Variants in SCFD1 observed in about 807,000 individuals in gnomAD.
SCFD1 encodes the protein sec1 family domain-containing protein 1.
In SCFD1, 37 loss-of-function variants were observed where a neutral mutation model predicts 103.2. The ratio of observed to expected loss-of-function variants is 0.36; its 90% CI spans 0.28 to 0.47. SCFD1 has a LOEUF of 0.47. Among genes scored for constraint, SCFD1 ranks in the 20% least tolerant of loss-of-function variants. The pLI is 1.00. For missense variants in SCFD1, 639 were observed against 761.2 expected (o/e 0.84, Z 1.89); for synonymous variants, 264 against 245.0 (o/e 1.08, Z -0.73).
intron 15 of SCFD1, among the ~76,000 whole-genome samples, chr14:30,695,953 A>G (rs1319234082): frequency 6.6e-6 from 1 of 152,218 alleles, no homozygotes; most frequent in Non-Finnish European, 1.5e-5. Context: ...TTTTAATTAT[A>G]AAGATTGTGG....
intron 17 of SCFD1, among the ~76,000 whole-genome samples, chr14:30,703,671 A>G (rs2139346863): frequency 1.3e-5 from 2 of 151,300 alleles, no homozygotes; most frequent in Admixed American, 1.3e-4. Flanking sequence ...AACAGTAGTT[A>G]TCTCTTGAGT....
At chr14:30,716,064 T>A in intron 20 of SCFD1, 87 bp downstream of exon 20, 1 of 786,144 alleles carries the variant, frequency 1.3e-6, no homozygotes, top group South Asian at 1.6e-5. Context: ...ATTGAGTTCC[T>A]TGTGAGCTTA....
intron 10 of SCFD1, among the ~76,000 whole-genome samples, chr14:30,661,399 A>G (rs897377963): frequency 2.0e-5 from 3 of 152,178 alleles, no homozygotes; most frequent in Non-Finnish European, 4.4e-5. Flanking sequence ...TTGTTTCTTC[A>G]GCCACTCAGG....
chr14:30,710,720 A>G (rs371843448), intron 19 of SCFD1, among the ~76,000 whole-genome samples: 3 of 152,172 alleles, frequency 2.0e-5, no homozygotes, highest in South Asian at 4.1e-4. Context: ...TTAAAGCTCT[A>G]TTACCCTTAT....
intron 7 of SCFD1, among the ~76,000 whole-genome samples, chr14:30,649,046 A>G (rs1480082226): frequency 3.3e-5 from 5 of 151,606 alleles, no homozygotes; most frequent in Admixed American, 3.3e-4. Context: ...AATCCTTTGG[A>G]AAAAATGCAG....
chr14:30,680,012 A>G (rs905297632), intron 14 of SCFD1, among the ~76,000 whole-genome samples: 3 of 152,070 alleles, frequency 2.0e-5, no homozygotes, highest in South Asian at 2.1e-4. Flanking sequence ...TTTGTTTTTT[A>G]TTGCAAGTAT....
At chr14:30,680,725 C>A (rs1370368268) in intron 14 of SCFD1, among the ~76,000 whole-genome samples, 1 of 152,032 alleles carries the variant, frequency 6.6e-6, no homozygotes, top group Non-Finnish European at 1.5e-5. Flanking sequence ...CCTGGGAGTT[C>A]AAGTCCAGTT....
At chr14:30,625,720 T>C (rs200669061) in intron 1 of SCFD1, among the ~76,000 whole-genome samples, 1 of 48,528 alleles carries the variant, frequency 2.1e-5, no homozygotes, top group African/African-American at 3.3e-4. Flanking sequence ...GGTATATAGG[T>C]ATATAGGTAT....
chr14:30,678,733 C>A (rs974768145), intron 14 of SCFD1, among the ~76,000 whole-genome samples: 1 of 152,184 alleles, frequency 6.6e-6, no homozygotes, highest in Admixed American at 6.5e-5. Flanking sequence ...GTTCTTTCCC[C>A]CAGTGTTCCC....
intron 9 of SCFD1, among the ~76,000 whole-genome samples, chr14:30,651,012 T>C (rs1886349431): frequency 6.6e-6 from 1 of 152,138 alleles, no homozygotes; most frequent in Non-Finnish European, 1.5e-5. Flanking sequence ...CTGATTTCCA[T>C]TTTATACTTA....
At chr14:30,632,179 G>C (rs899233113) in intron 3 of SCFD1, among the ~76,000 whole-genome samples, 1 of 151,042 alleles carries the variant, frequency 6.6e-6, no homozygotes, top group African/African-American at 2.4e-5. Context: ...TTCTATTTAT[G>C]ATGTTATAAC....
In SCFD1 at chr14:30,643,369, A is replaced by G; in HGVS notation, c.577A>G (p.Ile193Val). The G allele has an allele frequency of 6.2e-7, 1 of 1,613,612 alleles. No individual in the cohort carries two copies. Among genetic ancestry groups the G allele is most frequent in the East Asian group, 2.2e-5 (1 of 44,840 alleles). The stretch of plus-strand genomic sequence containing the variant: ...GGAAATGGAAACTGTTATGGACACT[A>G]TAGTTGACAGCCTCTTCTGCTTTTT... ...DTEMETVMDT[I>V]VDSLFCFFVT... Residue 193 changes from isoleucine to valine, a missense_variant, in exon 7 of 25, where the codon ATA becomes GTA. Coordinates refer to ENST00000458591, the MANE Select transcript of SCFD1 (RefSeq NM_016106.4).
chr14:30,726,712 T>A (rs1893067816), intron 23 of SCFD1, among the ~76,000 whole-genome samples: 1 of 152,240 alleles, frequency 6.6e-6, no homozygotes, highest in Admixed American at 6.5e-5. Context: ...CCCATCTTTA[T>A]GTAACTGTTG....
Position 30,688,948 on chromosome 14 carries a change from G to A in SCFD1, c.1243-5825G>A, listed in dbSNP as rs1319354487. ...TTTTGGCATGATTTTGCAGCGGCTG[G>A]TACCGGTTGTTCCTTTCCATGTTTA... On this transcript the variant is annotated intron_variant, in intron 14 of 24. Coordinates refer to ENST00000458591, the MANE Select transcript of SCFD1 (RefSeq NM_016106.4). 2.8e-5 allele frequency among the ~76,000 whole-genome samples: 2 copies of A among 72,372 alleles called. 1 individual carries two copies. The highest frequency in any genetic ancestry group is 4.4e-5 in the Non-Finnish European group (2 of 45,384). The allele number at this position is 72,372 out of a possible 152,430, so 47.5% of individuals were successfully genotyped here.
At chr14:30,734,600 T>A in intron 23 of SCFD1, 190 bp from the exon 24 acceptor site, 1 of 550,892 alleles carries the variant, frequency 1.8e-6, no homozygotes, top group Non-Finnish European at 3.3e-6. Flanking sequence ...AAAAATACTA[T>A]GCTCATTTCA....
chr14:30,649,067 T>TG (rs1206508532), intron 7 of SCFD1, among the ~76,000 whole-genome samples: 1 of 152,146 alleles, frequency 6.6e-6, no homozygotes, highest in Non-Finnish European at 1.5e-5. Flanking sequence ...TCACATTGAT[T>TG]GGTCAGCTCC....
chr14:30,729,163 T>C (rs942801264), intron 23 of SCFD1, among the ~76,000 whole-genome samples: 5 of 152,212 alleles, frequency 3.3e-5, no homozygotes, highest in African/African-American at 1.2e-4. Context: ...ATCAGATACA[T>C]GATTTCCAGA....
intron 16 of SCFD1, among the ~76,000 whole-genome samples, chr14:30,701,338 T>G (rs1359886366): frequency 6.6e-6 from 1 of 152,192 alleles, no homozygotes; most frequent in African/African-American, 2.4e-5. Context: ...GAAGATCACC[T>G]GAGGTCAGGA....
At chr14:30,701,422 G>GT (rs1891069965) in intron 16 of SCFD1, among the ~76,000 whole-genome samples, 1 of 152,040 alleles carries the variant, frequency 6.6e-6, no homozygotes, top group Non-Finnish European at 1.5e-5. Context: ...GGGCGTGGTG[G>GT]TGCACATCTG....
Sources: allele counts gnomAD v4.1 joint callset (sites outside exome capture counted in the v4.1 genomes callset), GRCh38; gene constraint gnomAD v4.1.1; transcripts MANE v1.5; gene names NCBI Gene and HGNC (gene_info 2026-07-23, HGNC 2026-07-21).